CHST3: variants seen among roughly 807,000 people sequenced by gnomAD.
CHST3 encodes carbohydrate sulfotransferase 3.
Under a neutral mutation model 35.4 loss-of-function variants are expected in CHST3, and 20 were observed. That is an observed-to-expected ratio of 0.57 (90% confidence interval 0.40 to 0.82). CHST3 has a LOEUF of 0.82. Ranked by LOEUF, CHST3 falls within the 40% of genes least tolerant of loss-of-function variation. The probability of loss-of-function intolerance (pLI) is 0.00; values close to 1 mark genes in which losing one functional copy is unlikely to be tolerated. For missense variants in CHST3, 693 were observed against 670.1 expected, an observed-to-expected ratio of 1.03 and a Z score of -0.38; for synonymous variants, 334 against 295.9, an observed-to-expected ratio of 1.13 and a Z score of -1.32.
rs905952027 is a variant in CHST3, at chr10:71,964,580, G to C, written c.-222G>C. 2.6e-5 allele frequency: 4 copies of C among 152,060 alleles called. No individual in the cohort carries two copies. The highest frequency in any genetic ancestry group is 4.4e-5 in the Non-Finnish European group (3 of 67,990). 9.4% of individuals were successfully genotyped at this position (152,060 alleles called of 1,614,324 possible). ...CGGGCCGCGCGGGCGCCGGGGCCGC[G>C]GAACCGCTTCTGCCGGGATCTTCCA... On this transcript the variant is annotated 5_prime_UTR_variant, in exon 1 of 3. Transcript: ENST00000373115.
intron 2 of CHST3, 120 bp downstream of exon 2, chr10:72,006,102 G>A: frequency 7.7e-7 from 1 of 1,297,552 alleles, no homozygotes; most frequent in South Asian, 1.2e-5. Context: ...GCCATCCCCA[G>A]GCCCCTTCTA....
chr10:71,988,894 G>A (rs994370491), intron 1 of CHST3, among the ~76,000 whole-genome samples: 2 of 152,162 alleles, frequency 1.3e-5, no homozygotes, highest in Non-Finnish European at 2.9e-5. Context: ...CGGGTGTGGT[G>A]GCTCACACCT....
chr10:72,005,976 T>C lies in CHST3; in HGVS notation c.134T>C (p.Ile45Thr), dbSNP rs1469581946. 1 of 1,613,954 alleles carries C rather than the reference T, an allele frequency of 6.2e-7. No individual in the cohort carries two copies. The highest frequency in any genetic ancestry group is 1.7e-4 in the Middle Eastern group (1 of 6,060). Residue 45 changes from isoleucine to threonine, a missense_variant, in exon 2 of 3, where the codon ATA (isoleucine) becomes ACA (threonine). Physicochemically the swap from Ile to Thr is moderately conservative, Grantham distance 89. Coordinates refer to ENST00000373115, the MANE Select transcript of CHST3 (RefSeq NM_004273.5). The stretch of plus-strand genomic sequence containing the variant: ...TTCATCGAAAAGGAAAATAAAATCA[T>C]ATCAAGGTGAGGGTTGCAAGCCCAA... ...FVFIEKENKI[I>T]SRVSDKLKQI...
In CHST3 at chr10:71,996,260, C is replaced by T. The variant is rs1839936994; in HGVS notation, c.-107-9476C>T. On this transcript the variant is annotated intron_variant, in intron 1 of 2. Transcript: ENST00000373115. The stretch of plus-strand genomic sequence containing the variant: ...ATTTCACCTATGAGAAAACTGTACT[C>T]AAAGAGGTTTAAATTCCTTGCCTAA... Among the ~76,000 whole-genome samples the T allele has an allele frequency of 2.6e-5, 4 of 152,142 alleles. No individual in the cohort carries two copies. The South Asian group carries it at 6.2e-4, about 24-fold the overall frequency.
chr10:71,990,991 GGGGT>G (rs1489831179), intron 1 of CHST3, among the ~76,000 whole-genome samples: 1 of 152,152 alleles, frequency 6.6e-6, no homozygotes, highest in African/African-American at 2.4e-5. Context: ...TGATGCAGAT[GGGGT>G]GGCTCTCTAA....
chr10:72,007,563 G>A lies in CHST3; in HGVS notation c.532G>A (p.Gly178Ser), dbSNP rs1356260206. The A allele has an allele frequency of 6.2e-6, 10 of 1,607,322 alleles. No individual in the cohort carries two copies. Among genetic ancestry groups the A allele is most frequent in the Non-Finnish European group, 8.5e-6 (10 of 1,179,800 alleles). The part of the protein sequence containing the change: ...IERTVSFEPG[G>S]ANAAGSALVY... ...GCGCACAGTGTCCTTCGAGCCGGGG[G>A]GCGCCAACGCCGCGGGCTCGGCCCT... The change falls in exon 3 of 3, where the codon GGC (glycine) becomes AGC (serine). Residue 178 changes from glycine to serine, a missense_variant. Transcript: ENST00000373115.
At chr10:72,000,896 G>A (rs543268101) in intron 1 of CHST3, among the ~76,000 whole-genome samples, 1 of 152,182 alleles carries the variant, frequency 6.6e-6, no homozygotes, top group East Asian at 1.9e-4. Flanking sequence ...CAGGGGTGTG[G>A]GCCTCAGCGG....
Position 72,007,395 on chromosome 10 carries a change from G to A in CHST3, c.364G>A (p.Glu122Lys). The change falls in exon 3 of 3, where the codon GAG becomes AAG. Residue 122 changes from glutamate (E) to lysine (K), a missense_variant. Physicochemically the swap from Glu to Lys is moderately conservative, Grantham distance 56. Coordinates refer to ENST00000373115, the MANE Select transcript of CHST3 (RefSeq NM_004273.5). ...EEEEEQRKEE[E>K]PPRPAVAGPR... ...AGAGGAAGAGCAGAGAAAGGAGGAG[G>A]AGCCGCCCAGACCGGCCGTGGCGGG... is the stretch of plus-strand genomic sequence containing the variant. The A allele has an allele frequency of 6.2e-7, 1 of 1,605,748 alleles. No individual in the cohort carries two copies. The highest frequency in any genetic ancestry group is 1.1e-5 in the South Asian group (1 of 90,396).
chr10:71,968,320 C>T (rs967921418), intron 1 of CHST3, among the ~76,000 whole-genome samples: 3 of 152,110 alleles, frequency 2.0e-5, no homozygotes, highest in Non-Finnish European at 4.4e-5. Flanking sequence ...GTCCTTTGCC[C>T]ACTTTTTAAT....
chr10:71,998,985 ACT>A (rs772804965), intron 1 of CHST3, among the ~76,000 whole-genome samples: 86 of 152,210 alleles, frequency 5.7e-4, no homozygotes, highest in Non-Finnish European at 9.7e-4. Context: ...TCTTTTGCTC[ACT>A]GACTCATTCA....
intron 1 of CHST3, among the ~76,000 whole-genome samples, chr10:71,969,808 C>T (rs1006298387): frequency 3.3e-5 from 5 of 152,254 alleles, no homozygotes; most frequent in African/African-American, 1.2e-4. Context: ...GGGTGAAGCC[C>T]CAGGAGGGGC....
intron 1 of CHST3, among the ~76,000 whole-genome samples, chr10:72,002,944 G>T (rs1039504111): frequency 3.9e-5 from 6 of 152,210 alleles, no homozygotes; most frequent in African/African-American, 1.2e-4. Context: ...GAGATGGTCA[G>T]CCAGAAAGCC....
chr10:71,982,663 CT>C (rs1839812199), intron 1 of CHST3, among the ~76,000 whole-genome samples: 1 of 152,094 alleles, frequency 6.6e-6, no homozygotes, highest in Admixed American at 6.5e-5. Context: ...GTGGGAGAAT[CT>C]CTTGAACCCG....
At chr10:71,971,081 A>T (rs184299996) in intron 1 of CHST3, among the ~76,000 whole-genome samples, 1 of 152,244 alleles carries the variant, frequency 6.6e-6, no homozygotes, top group East Asian at 1.9e-4. Context: ...ACCAACTTTA[A>T]AACCAGGCAC....
chr10:71,972,238 C>T (rs1839702533), intron 1 of CHST3, among the ~76,000 whole-genome samples: 1 of 152,180 alleles, frequency 6.6e-6, no homozygotes, highest in Non-Finnish European at 1.5e-5. Flanking sequence ...CCACAGCTGA[C>T]TCCAGAGTCT....
At chr10:71,965,706 G>C (rs898519308) in intron 1 of CHST3, among the ~76,000 whole-genome samples, 7 of 152,212 alleles carry the variant, frequency 4.6e-5, no homozygotes, top group Non-Finnish European at 7.4e-5. Context: ...GTACTTGCTT[G>C]ATGAATAATG....
Position 72,007,736 on chromosome 10 carries a change from G to A in CHST3, c.705G>A (p.Thr235=). The stretch of plus-strand genomic sequence containing the variant: ...CCCTGTGCGAGGACCCCGTCTGTAC[G>A]CCCTTCGTCAAGAAGGTCTTCGAGA... ...SRSLCEDPVC[T]PFVKKVFEKY... Residue 235 remains threonine, a synonymous_variant, in exon 3 of 3, where the codon ACG becomes ACA. Coordinates refer to ENST00000373115, the MANE Select transcript of CHST3 (RefSeq NM_004273.5). 6.2e-7 allele frequency: 1 copy of A among 1,603,432 alleles called. No individual in the cohort carries two copies. Among genetic ancestry groups the A allele is most frequent in the Non-Finnish European group, 8.5e-7 (1 of 1,179,700 alleles).
intron 1 of CHST3, among the ~76,000 whole-genome samples, chr10:71,980,613 G>A (rs981096318): frequency 1.3e-5 from 2 of 152,188 alleles, no homozygotes; most frequent in African/African-American, 4.8e-5. Context: ...GAGGTTCTGA[G>A]TCATTAGTTC....
At chr10:71,984,647 T>C (rs1379045652) in intron 1 of CHST3, among the ~76,000 whole-genome samples, 1 of 152,242 alleles carries the variant, frequency 6.6e-6, no homozygotes, top group African/African-American at 2.4e-5. Context: ...CGATCCCAGC[T>C]CTGCCTTTAA....
Sources: allele counts gnomAD v4.1 joint callset (sites outside exome capture counted in the v4.1 genomes callset), GRCh38; gene constraint gnomAD v4.1.1; transcripts MANE v1.5; gene names NCBI Gene and HGNC (gene_info 2026-07-23, HGNC 2026-07-21).